Variants in MATK observed in about 807,000 individuals in gnomAD.
The protein encoded by MATK is megakaryocyte-associated tyrosine kinase, also known as megakaryocyte-associated tyrosine-protein kinase.
A neutral mutation model predicts 59.8 loss-of-function variants in MATK; 41 were observed. That is an observed-to-expected ratio of 0.69 (90% CI 0.53 to 0.89). The LOEUF is 0.89. Ranked by LOEUF, MATK falls within the 40% of genes least tolerant of loss-of-function variation. MATK has a pLI of 0.00. For missense variants in MATK, 593 were observed against 719.6 expected, an observed-to-expected ratio of 0.82 and a Z score of 2.01; for synonymous variants, 308 against 306.1, an observed-to-expected ratio of 1.01 and a Z score of -0.06.
intron 6 of MATK, 184 bp from the exon 7 acceptor site, chr19:3,783,403 C>CT (rs1206873931): frequency 3.2e-6 from 2 of 624,170 alleles, no homozygotes; most frequent in African/African-American, 3.6e-5. Context: ...TTGGTATCAA[C>CT]TTGGGGGGTC....
Position 3,781,626 on chromosome 19 carries a change from G to T in MATK, c.723C>A (p.Ile241=), listed in dbSNP as rs373382070. 1.9e-6 allele frequency: 3 copies of T among 1,613,848 alleles called. No homozygotes were observed. The highest frequency in any genetic ancestry group is 2.5e-6 in the Non-Finnish European group (3 of 1,179,954). ...ACTCACCTCCAAACTCTCCCTCTCC[G>T]ATCTGTGCTCCCAATGTCAAATGCT... The part of the protein sequence containing the change: ...NLQHLTLGAQ[I]GEGEFGAVLQ... The change falls in exon 8 of 14, where the codon ATC becomes ATA. Residue 241 remains isoleucine (I), a synonymous_variant. Coordinates refer to ENST00000310132, the MANE Select transcript of MATK (RefSeq NM_139355.3).
intron 1 of MATK, among the ~76,000 whole-genome samples, chr19:3,795,133 A>C (rs1248348647): frequency 2.6e-5 from 4 of 151,128 alleles, no homozygotes; most frequent in African/African-American, 4.9e-5. Flanking sequence ...GCCCGCCACC[A>C]CACCCGCCTA....
intron 8 of MATK, among the ~76,000 whole-genome samples, chr19:3,781,389 C>T (rs536158716): frequency 6.6e-5 from 10 of 152,296 alleles, no homozygotes; most frequent in South Asian, 2.1e-4. Flanking sequence ...AAGTCACTAA[C>T]GTTGACTGAG....
At position 3,784,328 on chromosome 19, in the gene MATK, C is replaced by T. The variant is rs562072858; in HGVS notation, c.246+10G>A. Reference sequence around the variant, plus strand: ...GCCCCAAGCACCCACACCCGCCGGCCACCTCTCACCTCGCAGGCCTCCAGG... The same window carrying T: ...GCCCCAAGCACCCACACCCGCCGGCTACCTCTCACCTCGCAGGCCTCCAGG... On this transcript the variant is annotated intron_variant, in intron 4 of 13. Transcript: ENST00000310132. 1.3e-4 allele frequency: 201 copies of T among 1,598,462 alleles called. No individual in the cohort carries two copies. The highest frequency in any genetic ancestry group is 2.5e-5 in the Non-Finnish European group (29 of 1,172,046).
In MATK at chr19:3,784,961, A is replaced by G. The variant is rs928259305; in HGVS notation, c.73-77T>C. ...GTTCCTACCACTTCCAGCCCAGGTC[A>G]GGTGGGGGCGATGGCTGGGCAGGCA... On this transcript the variant is annotated intron_variant, in intron 2 of 13. Coordinates refer to ENST00000310132, the MANE Select transcript of MATK (RefSeq NM_139355.3). The G allele has an allele frequency of 3.5e-6, 5 of 1,420,480 alleles. No individual in the cohort carries two copies. The African/African-American group carries it at 7.0e-5, about 20-fold the overall frequency. 88.0% of individuals were successfully genotyped at this position (1,420,480 alleles called of 1,614,324 possible).
intron 1 of MATK, among the ~76,000 whole-genome samples, chr19:3,795,396 C>T (rs1227253347): frequency 1.3e-5 from 2 of 151,828 alleles, no homozygotes; most frequent in African/African-American, 2.4e-5. Context: ...TCTCAACCTC[C>T]CAAGTAGCTG....
intron 1 of MATK, among the ~76,000 whole-genome samples, chr19:3,796,935 A>C (rs1009245333): frequency 2.6e-5 from 4 of 152,006 alleles, no homozygotes; most frequent in Non-Finnish European, 5.9e-5. Flanking sequence ...GTTTCCTCAT[A>C]CTTTGCCTGT....
intron 1 of MATK, among the ~76,000 whole-genome samples, chr19:3,794,488 T>C (rs936981494): frequency 1.3e-5 from 2 of 151,890 alleles, no homozygotes; most frequent in Non-Finnish European, 2.9e-5. Context: ...ACCCTGTCTC[T>C]ACAAAAAATA....
At chr19:3,789,235 C>A (rs767204492), upstream of MATK, 43 of 764,176 alleles carry the variant, frequency 5.6e-5, no homozygotes, top group Non-Finnish European at 9.8e-5. Context: ...GTCAAAATAT[C>A]TGCAGCGGAA....
chr19:3,786,440 C>T (rs2037486230), upstream of MATK: 5 of 975,314 alleles, frequency 5.1e-6, no homozygotes, highest in South Asian at 2.3e-4. This position sits in a 1 kb window ranked among gnomAD's most constrained non-coding sequence, Gnocchi z 4.1. Flanking sequence ...CCTCCGCGGC[C>T]CCCGGCGCCT....
chr19:3,797,579 C>T (rs1165007340), intron 1 of MATK, among the ~76,000 whole-genome samples: 1 of 151,988 alleles, frequency 6.6e-6, no homozygotes, highest in East Asian at 1.9e-4. Context: ...CACCACCACA[C>T]CCAGTGACTG....
At chr19:3,791,724 A>G (rs2037543377) in intron 1 of MATK, among the ~76,000 whole-genome samples, 1 of 151,884 alleles carries the variant, frequency 6.6e-6, no homozygotes, top group African/African-American at 2.4e-5. Flanking sequence ...CTCTCCTCCC[A>G]TAGACCCCCC....
upstream of MATK, among the ~76,000 whole-genome samples, chr19:3,788,001 G>A (rs1045610365): frequency 2.7e-5 from 4 of 150,596 alleles, no homozygotes; most frequent in Non-Finnish European, 4.4e-5. Flanking sequence ...GGGCTCAAGC[G>A]AACCTCCTGC....
At chr19:3,789,921 G>C (rs182552544), upstream of MATK, among the ~76,000 whole-genome samples, 1 of 149,882 alleles carries the variant, frequency 6.7e-6, no homozygotes, top group Admixed American at 6.6e-5. Flanking sequence ...ATTTTTTTGA[G>C]ATAGGGTCTC....
upstream of MATK, among the ~76,000 whole-genome samples, chr19:3,790,117 G>A (rs556770757): frequency 6.6e-6 from 1 of 152,312 alleles, no homozygotes; most frequent in African/African-American, 2.4e-5. Context: ...GGCCAGGCTG[G>A]CCTGGAACTC....
chr19:3,779,444 A>T lies in MATK; in HGVS notation c.935T>A (p.Leu312Gln). 1 of 1,613,196 alleles carries T rather than the reference A, an allele frequency of 6.2e-7. No homozygotes were observed. The highest frequency in any genetic ancestry group is 8.5e-7 in the Non-Finnish European group (1 of 1,179,984). ...ACCCCGGGTCCGCAGAAAGTTCACC[A>T]GGTTGCCCTGTTGGGGGTGGGAGAT... ...IVMEHVSKGN[L>Q]VNFLRTRGRA... is the part of the protein sequence containing the mutation. The change falls in exon 11 of 14, where the codon CTG becomes CAG. Residue 312 changes from leucine (L) to glutamine (Q), a missense_variant. Leu to Gln is a moderately radical substitution (Grantham distance 113, BLOSUM62 -2). Coordinates refer to ENST00000310132, the MANE Select transcript of MATK (RefSeq NM_139355.3).
At chr19:3,794,993 T>TA (rs2145115097) in intron 1 of MATK, among the ~76,000 whole-genome samples, 1 of 148,308 alleles carries the variant, frequency 6.7e-6, no homozygotes, top group African/African-American at 2.5e-5. Flanking sequence ...TTTTTTTTTT[T>TA]TTGAGCTGGA....
At position 3,784,394 on chromosome 19, in the gene MATK, G is replaced by A; in HGVS notation, c.190C>T (p.Pro64Ser). Reference sequence around the variant, plus strand: ...CCCTTGCGGAAGGCCAGCTCCCCTGGCTTGGGGCGGGTGTGCTCGCATTTG... The same window carrying A: ...CCCTTGCGGAAGGCCAGCTCCCCTGACTTGGGGCGGGTGTGCTCGCATTTG... ...ITKCEHTRPK[P>S]GELAFRKGDV... is the part of the protein sequence containing the mutation. The change falls in exon 4 of 14, where the codon CCA becomes TCA. Residue 64 changes from proline (P) to serine (S), a missense_variant. Pro to Ser is a moderately conservative substitution (Grantham distance 74). Coordinates refer to ENST00000310132, the MANE Select transcript of MATK (RefSeq NM_139355.3). 1 of 1,608,640 alleles carries A rather than the reference G, an allele frequency of 6.2e-7. No individual in the cohort carries two copies.
At chr19:3,797,186 AG>A (rs2037603106) in intron 1 of MATK, among the ~76,000 whole-genome samples, 1 of 151,958 alleles carries the variant, frequency 6.6e-6, no homozygotes, top group Non-Finnish European at 1.5e-5. Flanking sequence ...TTATTGTCAT[AG>A]GGTGGACTTC....
Sources: allele counts gnomAD v4.1 joint callset (sites outside exome capture counted in the v4.1 genomes callset), GRCh38; gene constraint gnomAD v4.1.1; non-coding constraint Gnocchi (gnomAD v3.1); transcripts MANE v1.5; gene names NCBI Gene and HGNC (gene_info 2026-07-23, HGNC 2026-07-21).